GRIK4: variants seen among roughly 807,000 people sequenced by gnomAD.
GRIK4 encodes glutamate receptor ionotropic, kainate 4.
GRIK4 carries 40 observed loss-of-function variants against 104.9 expected under a neutral mutation model. The observed-to-expected ratio is 0.38, with a 90% confidence interval of 0.30 to 0.50. The LOEUF (loss-of-function observed/expected upper bound fraction) is 0.50, where lower values mean the gene tolerates loss of function less well. Among genes scored for constraint, GRIK4 ranks in the 20% least tolerant of loss-of-function variants. The probability of loss-of-function intolerance (pLI) is 0.93; values close to 1 mark genes in which losing one functional copy is unlikely to be tolerated. For missense variants in GRIK4, 1,047 were observed against 1,308.1 expected (o/e 0.80, Z 3.08); for synonymous variants, 485 against 524.9 (o/e 0.92, Z 1.04).
At chr11:120,516,979 G>A (rs933131886) in intron 1 of GRIK4, among the ~76,000 whole-genome samples, 2 of 128,686 alleles carry the variant, frequency 1.6e-5, no homozygotes, top group African/African-American at 3.3e-5. Flanking sequence ...CCTGGGGCGC[G>A]TGCTGCCGGG....
At chr11:120,853,961 C>G (rs1954039928) in intron 8 of GRIK4, among the ~76,000 whole-genome samples, 1 of 152,192 alleles carries the variant, frequency 6.6e-6, no homozygotes, top group South Asian at 2.1e-4. Context: ...AATTCCATGT[C>G]TGTCTTAGGG....
intron 3 of GRIK4, among the ~76,000 whole-genome samples, chr11:120,788,931 G>A (rs966667258): frequency 6.6e-6 from 1 of 152,092 alleles, no homozygotes; most frequent in South Asian, 2.1e-4. Context: ...GAAGTCCCCG[G>A]TGACCTCCTA....
rs574081646 is a variant in GRIK4 at position 120,933,138 on chromosome 11, G to A, written c.1477-7209G>A. On this transcript the variant is annotated intron_variant, in intron 13 of 20. Transcript: ENST00000527524. ...CCCACATAGGTCCACATAGACAGAC[G>A]GTCACACCAGAGAAGCACATTGTGT... is the stretch of plus-strand genomic sequence containing the variant. Among the ~76,000 whole-genome samples, 24 of 152,282 alleles carry A rather than the reference G, an allele frequency of 1.6e-4. 1 individual carries two copies. The South Asian group carries it at 2.7e-3, about 17-fold the overall frequency.
chr11:120,870,928 C>T (rs985163122), intron 9 of GRIK4: 1 of 152,150 alleles, frequency 6.6e-6, no homozygotes, highest in African/African-American at 2.4e-5. Flanking sequence ...TGTATTTATA[C>T]TAGAGATGGG....
chr11:120,943,890 A>G (rs1943787972), intron 14 of GRIK4, among the ~76,000 whole-genome samples: 1 of 152,196 alleles, frequency 6.6e-6, no homozygotes, highest in South Asian at 2.1e-4. Flanking sequence ...CTAAAGAAAT[A>G]ATTTGTGACT....
chr11:120,619,674 G>T (rs147830223), intron 1 of GRIK4, among the ~76,000 whole-genome samples: 11 of 152,244 alleles, frequency 7.2e-5, no homozygotes, highest in Middle Eastern at 3.4e-3. Context: ...AGATCTGGTT[G>T]TTTAAAAGTG....
chr11:120,663,144 C>A (rs1260293008), intron 3 of GRIK4, among the ~76,000 whole-genome samples: 1 of 152,188 alleles, frequency 6.6e-6, no homozygotes, highest in Non-Finnish European at 1.5e-5. Context: ...CCTCTGGGTC[C>A]TCTGAGTGAT....
At chr11:120,962,111 G>A (rs541599136) in intron 17 of GRIK4, among the ~76,000 whole-genome samples, 16 of 152,154 alleles carry the variant, frequency 1.1e-4, no homozygotes, top group Non-Finnish European at 2.1e-4. Flanking sequence ...GACAATGAAG[G>A]TACCCAGCCA....
intron 8 of GRIK4, among the ~76,000 whole-genome samples, chr11:120,847,907 C>A (rs1247928607): frequency 2.0e-5 from 3 of 152,188 alleles, no homozygotes; most frequent in African/African-American, 7.2e-5. Flanking sequence ...GGGAATGGGC[C>A]CTACTGGCCT....
Position 120,802,682 on chromosome 11 carries a change from C to T in GRIK4, c.83-11C>T, listed in dbSNP as rs367767661. The T allele has an allele frequency of 1.9e-6, 3 of 1,611,704 alleles. No individual in the cohort carries two copies. Among genetic ancestry groups the T allele is most frequent in the Non-Finnish European group, 8.5e-7 (1 of 1,178,696 alleles). On this transcript the variant is annotated splice_polypyrimidine_tract_variant and intron_variant, in intron 3 of 20. Transcript: ENST00000527524. ...AGTACCAATTGTCTCCATGTGGTTGCCTGCCCACAGCTGCTATCTTGGACG... is the reference window on the plus strand; with the variant it reads ...AGTACCAATTGTCTCCATGTGGTTGTCTGCCCACAGCTGCTATCTTGGACG...
chr11:120,529,890 C>T (rs1355893125), intron 1 of GRIK4, among the ~76,000 whole-genome samples: 2 of 152,342 alleles, frequency 1.3e-5, no homozygotes, highest in Middle Eastern at 3.4e-3. Context: ...GATGAGGAGA[C>T]AGAAGTTCAG....
At chr11:120,792,380 T>C (rs987741220) in intron 3 of GRIK4, among the ~76,000 whole-genome samples, 1 of 151,466 alleles carries the variant, frequency 6.6e-6, no homozygotes, top group South Asian at 2.1e-4. Context: ...TGCTGAGGAA[T>C]TCCATTTATT....
At chr11:120,579,232 C>CT (rs56092727) in intron 1 of GRIK4, among the ~76,000 whole-genome samples, 1 of 151,982 alleles carries the variant, frequency 6.6e-6, no homozygotes, top group Admixed American at 6.6e-5. Flanking sequence ...ATAACCCCCC[C>CT]CCCTTTTTTT....
At chr11:120,610,707 A>G (rs75988819) in intron 1 of GRIK4, among the ~76,000 whole-genome samples, 4,479 of 152,270 alleles carry the variant, frequency 0.029, 405 homozygotes, top group East Asian at 0.21. Context: ...AAGGAACGAC[A>G]GGATAGGAGA....
intron 11 of GRIK4, among the ~76,000 whole-genome samples, chr11:120,885,723 C>T (rs1186573215): frequency 7.9e-5 from 12 of 151,994 alleles, no homozygotes; most frequent in Non-Finnish European, 1.8e-4. Flanking sequence ...TACTTCTGTC[C>T]GAAAAGAAAG....
chr11:120,855,412 T>C (rs1954078155), intron 8 of GRIK4, among the ~76,000 whole-genome samples: 1 of 152,226 alleles, frequency 6.6e-6, no homozygotes, highest in South Asian at 2.1e-4. Flanking sequence ...CAGTTTTGCC[T>C]GGCGCACAGT....
At chr11:120,892,200 G>A (rs886476431) in intron 11 of GRIK4, among the ~76,000 whole-genome samples, 2 of 152,170 alleles carry the variant, frequency 1.3e-5, no homozygotes, top group Admixed American at 6.5e-5. Flanking sequence ...GAGGAAGGTA[G>A]GTGTGGCTGC....
chr11:120,750,350 CTTTTTTTTTTTTT>C (rs869135246), intron 3 of GRIK4, among the ~76,000 whole-genome samples: 3 of 76,120 alleles, frequency 3.9e-5, no homozygotes, highest in East Asian at 3.6e-4. Context: ...CTAGAAATCT[CTTTTTTTTTTTTT>C]TTTTTTTTTT....
intron 3 of GRIK4, among the ~76,000 whole-genome samples, chr11:120,794,723 T>C (rs1318046523): frequency 1.3e-5 from 2 of 152,064 alleles, no homozygotes; most frequent in African/African-American, 4.8e-5. Context: ...GAATTTTGGT[T>C]GTTTAAGCCT....
Sources: allele counts gnomAD v4.1 joint callset (sites outside exome capture counted in the v4.1 genomes callset), GRCh38; gene constraint gnomAD v4.1.1; transcripts MANE v1.5; gene names NCBI Gene and HGNC (gene_info 2026-07-23, HGNC 2026-07-21).